The following RBFOX1 variants were observed in gnomAD, a reference collection of about 807,000 sequenced individuals.
The protein encoded by RBFOX1 is RNA binding fox-1 homolog 1.
Under a neutral mutation model 57.7 loss-of-function variants are expected in RBFOX1, and 8 were observed. That is an observed-to-expected ratio of 0.14 (90% CI 0.08 to 0.25). RBFOX1 has a LOEUF of 0.25. Ranked by LOEUF, RBFOX1 falls within the 10% of genes least tolerant of loss-of-function variation. The pLI is 1.00. For synonymous variants in RBFOX1, 326 were observed against 222.4 expected, an observed-to-expected ratio of 1.47 and a Z score of -4.15; for missense variants, 611 against 548.5, an observed-to-expected ratio of 1.11 and a Z score of -1.14.
At chr16:5,699,989 C>T (rs1463425352) in intron 3 of RBFOX1, among the ~76,000 whole-genome samples, 13 of 152,152 alleles carry the variant, frequency 8.5e-5, no homozygotes, top group Middle Eastern at 3.4e-3. Context: ...CCCGCCACCA[C>T]GCCCGGCTAA....
chr16:7,223,246 G>A (rs1347385174), intron 4 of RBFOX1, among the ~76,000 whole-genome samples: 1 of 152,208 alleles, frequency 6.6e-6, no homozygotes, highest in Non-Finnish European at 1.5e-5. Context: ...GAGAGGGTAA[G>A]ACCTCTAGGG....
At chr16:6,575,604 T>C (rs1189030174) in intron 2 of RBFOX1, among the ~76,000 whole-genome samples, 1 of 152,114 alleles carries the variant, frequency 6.6e-6, no homozygotes, top group African/African-American at 2.4e-5. Context: ...ATGCCTGTAA[T>C]CCCAGCACTT....
chr16:6,976,970 A>G (rs929753433), intron 3 of RBFOX1, among the ~76,000 whole-genome samples: 52 of 143,488 alleles, frequency 3.6e-4, no homozygotes, highest in South Asian at 1.5e-3. Flanking sequence ...TAAATATCCT[A>G]TATCACATAT....
At chr16:6,210,090 G>A (rs898476455) in intron 1 of RBFOX1, among the ~76,000 whole-genome samples, 5 of 151,798 alleles carry the variant, frequency 3.3e-5, no homozygotes, top group African/African-American at 4.8e-5. Context: ...GGCTGAGACC[G>A]GTGGATCACC....
At position 7,653,800 on chromosome 16, in the gene RBFOX1, C is replaced by CTG; in HGVS notation, c.758-15_758-14insTG. 2 of 1,607,600 alleles carry CTG rather than the reference C, an allele frequency of 1.2e-6. No individual in the cohort carries two copies. The highest frequency in any genetic ancestry group is 1.1e-5 in the South Asian group (1 of 90,994). ...CAGCCTGTGCTCTCTCTCTCTCTCT[C>CTG]CTCTTGCCCCGCAGTGCCAGGCTTC... is the stretch of plus-strand genomic sequence containing the variant. On this transcript the variant is annotated splice_polypyrimidine_tract_variant and intron_variant, in intron 11 of 15. Transcript: ENST00000550418.
intron 5 of RBFOX1, among the ~76,000 whole-genome samples, chr16:7,570,048 A>G (rs1175104669): frequency 6.6e-6 from 1 of 152,230 alleles, no homozygotes; most frequent in Non-Finnish European, 1.5e-5. Context: ...TGTAAAATAC[A>G]AGATTTCAAA....
At chr16:5,277,983 G>C (rs1253372628) in intron 1 of RBFOX1, among the ~76,000 whole-genome samples, 1 of 152,096 alleles carries the variant, frequency 6.6e-6, no homozygotes, top group Non-Finnish European at 1.5e-5. Context: ...CAGGTATCCC[G>C]TTGATACACT....
chr16:6,306,516 G>C (rs562412312), intron 1 of RBFOX1, among the ~76,000 whole-genome samples: 1 of 152,254 alleles, frequency 6.6e-6, no homozygotes, highest in African/African-American at 2.4e-5. Flanking sequence ...GAAATCCTTT[G>C]GCCTTCTTAA....
chr16:5,412,207 A>G (rs530739948), intron 1 of RBFOX1, among the ~76,000 whole-genome samples: 113 of 151,968 alleles, frequency 7.4e-4, no homozygotes, highest in Non-Finnish European at 1.3e-3. Context: ...CTGACTTGCT[A>G]TGAGAACTTG....
chr16:7,065,034 A>G (rs2055608856), intron 4 of RBFOX1, among the ~76,000 whole-genome samples: 1 of 152,172 alleles, frequency 6.6e-6, no homozygotes, highest in Non-Finnish European at 1.5e-5. Flanking sequence ...ATTGTTCGAT[A>G]TGGATGGAGA....
intron 3 of RBFOX1, among the ~76,000 whole-genome samples, chr16:6,873,408 A>G (rs2061294242): frequency 6.6e-6 from 1 of 152,316 alleles, no homozygotes; most frequent in South Asian, 2.1e-4. Flanking sequence ...CAATTAAAGA[A>G]GAAGTGCTCA....
At chr16:6,525,729 G>T (rs915966455) in intron 2 of RBFOX1, among the ~76,000 whole-genome samples, 2 of 151,960 alleles carry the variant, frequency 1.3e-5, no homozygotes, top group Non-Finnish European at 2.9e-5. Context: ...TGGTGGAAAG[G>T]AGGGAAGGGC....
Position 6,986,448 on chromosome 16 carries a change from C to G in RBFOX1, c.-15-65609C>G, listed in dbSNP as rs938334433. 3.2e-4 allele frequency among the ~76,000 whole-genome samples: 48 copies of G among 152,288 alleles called. 1 individual carries two copies. Among genetic ancestry groups the G allele is most frequent in the African/African-American group, 1.1e-3 (44 of 41,552 alleles). On this transcript the variant is annotated intron_variant, in intron 3 of 15. Transcript: ENST00000550418. Reference sequence around the variant, plus strand: ...TCCTGACCTCAAGTGATCCCCCTGCCTCAGCCTCCCAAAGTGCTGGTATTA... The same window carrying G: ...TCCTGACCTCAAGTGATCCCCCTGCGTCAGCCTCCCAAAGTGCTGGTATTA...
downstream of RBFOX1, among the ~76,000 whole-genome samples, chr16:5,602,654 A>G (rs533442925): frequency 3.3e-5 from 5 of 152,320 alleles, no homozygotes; most frequent in African/African-American, 9.6e-5. Context: ...CAACTAAATT[A>G]CTGGTTTTTG....
intron 3 of RBFOX1, among the ~76,000 whole-genome samples, chr16:5,845,004 G>T (rs894479442): frequency 1.3e-5 from 2 of 151,798 alleles, no homozygotes; most frequent in Admixed American, 1.3e-4. Flanking sequence ...CCCAGCACTT[G>T]GTTTGTAATG....
At chr16:7,701,651 G>A (rs1249433310) in intron 14 of RBFOX1, among the ~76,000 whole-genome samples, 2 of 151,486 alleles carry the variant, frequency 1.3e-5, no homozygotes, top group East Asian at 3.8e-4. Flanking sequence ...AGTATCTTGA[G>A]AAGCTTTGAG....
In RBFOX1 at chr16:5,386,670, C is replaced by G. The variant is rs191477472; in HGVS notation, c.220-80546C>G. Among the ~76,000 whole-genome samples, 18 of 152,272 alleles carry G rather than the reference C, an allele frequency of 1.2e-4. No homozygotes were observed. The East Asian group carries it at 3.5e-3, about 29-fold the overall frequency. ...TTTTCACCTTTACCCCCGGCAGACT[C>G]CCACACATCCTCACTTCCCCATGGC... is the stretch of plus-strand genomic sequence containing the variant. On this transcript the variant is annotated intron_variant, in intron 1 of 2. Transcript: ENST00000585867.
At chr16:5,491,831 C>T (rs2042840262) in intron 2 of RBFOX1, among the ~76,000 whole-genome samples, 1 of 152,188 alleles carries the variant, frequency 6.6e-6, no homozygotes. Flanking sequence ...ATTAGAATTA[C>T]CCAGGGAGCT....
intron 3 of RBFOX1, among the ~76,000 whole-genome samples, chr16:7,005,396 ATACAGTCAG>A (rs1401041210): frequency 6.6e-6 from 1 of 152,192 alleles, no homozygotes; most frequent in African/African-American, 2.4e-5. Flanking sequence ...AAACATCCCA[ATACAGTCAG>A]TATTTCTTGT....
Sources: allele counts gnomAD v4.1 joint callset (sites outside exome capture counted in the v4.1 genomes callset), GRCh38; gene constraint gnomAD v4.1.1; transcripts MANE v1.5; gene names NCBI Gene and HGNC (gene_info 2026-07-23, HGNC 2026-07-21).